The following UNC13C variants were observed in gnomAD, a reference collection of about 807,000 sequenced individuals.
UNC13C encodes protein unc-13 homolog C.
Under a neutral mutation model 245.4 loss-of-function variants are expected in UNC13C, and 174 were observed. The observed-to-expected ratio is 0.71, with a 90% confidence interval of 0.63 to 0.80. The LOEUF (loss-of-function observed/expected upper bound fraction) is 0.80. Ranked by LOEUF, UNC13C falls within the 30% of genes least tolerant of loss-of-function variation. The probability of loss-of-function intolerance (pLI) is 0.00; values close to 1 mark genes in which losing one functional copy is unlikely to be tolerated. For missense variants in UNC13C, 2,829 were observed against 2,602.9 expected, an observed-to-expected ratio of 1.09 and a Z score of -1.89; for synonymous variants, 992 against 895.1, an observed-to-expected ratio of 1.11 and a Z score of -1.93.
intron 19 of UNC13C, among the ~76,000 whole-genome samples, chr15:54,459,040 T>G (rs893381061): frequency 6.6e-6 from 1 of 152,174 alleles, no homozygotes; most frequent in African/African-American, 2.4e-5. Flanking sequence ...TTTTGAAGTT[T>G]TGTTTCAAGA....
At chr15:54,473,356 A>G (rs985087381) in intron 19 of UNC13C, among the ~76,000 whole-genome samples, 2 of 152,062 alleles carry the variant, frequency 1.3e-5, no homozygotes, top group East Asian at 1.9e-4. Flanking sequence ...TCTTTGTGTT[A>G]GGAACAGTTC....
At chr15:54,573,434 G>A (rs763048138) in intron 30 of UNC13C, among the ~76,000 whole-genome samples, 13 of 152,144 alleles carry the variant, frequency 8.5e-5, no homozygotes, top group African/African-American at 2.4e-4. Context: ...AATCCAAAAT[G>A]GATGTAGAAG....
intron 13 of UNC13C, among the ~76,000 whole-genome samples, chr15:54,315,492 T>C (rs1368260149): frequency 6.6e-6 from 1 of 151,698 alleles, no homozygotes. Context: ...TTATAGAATT[T>C]ACTTTTTTTC....
In UNC13C at chr15:54,525,690, T is replaced by G. The variant is rs972838483; in HGVS notation, c.5546+53T>G. 114 of 1,432,410 alleles carry G rather than the reference T, an allele frequency of 8.0e-5. No homozygotes were observed. The Middle Eastern group carries it at 1.4e-3, about 18-fold the overall frequency. 88.7% of individuals were successfully genotyped at this position (1,432,410 alleles called of 1,614,324 possible). On this transcript the variant is annotated intron_variant, in intron 25 of 32. Transcript: ENST00000260323. ...AATTAGATAATTAGGTGTCAGTTCA[T>G]GATATTCTTGCCTTCAATGCTGTTT...
chr15:54,192,404 T>C (rs1226122798), intron 4 of UNC13C, among the ~76,000 whole-genome samples: 2 of 152,094 alleles, frequency 1.3e-5, no homozygotes, highest in Non-Finnish European at 2.9e-5. Context: ...GGATAGATTC[T>C]CCATGCTTCA....
intron 2 of UNC13C, among the ~76,000 whole-genome samples, chr15:54,056,123 G>A (rs539245376): frequency 8.5e-5 from 13 of 152,292 alleles, no homozygotes; most frequent in African/African-American, 1.2e-4. Context: ...TGACTTTGAC[G>A]AGTTGAGAGA....
chr15:54,062,423 C>A (rs998664546), intron 2 of UNC13C, among the ~76,000 whole-genome samples: 2 of 151,998 alleles, frequency 1.3e-5, no homozygotes, highest in Non-Finnish European at 2.9e-5. Context: ...ACATTCTAAA[C>A]TGACATGATT....
intron 19 of UNC13C, among the ~76,000 whole-genome samples, chr15:54,479,655 A>G (rs192333616): frequency 3.4e-4 from 52 of 151,020 alleles, no homozygotes; most frequent in Non-Finnish European, 6.1e-4. Context: ...TTCTTTATTC[A>G]TCTTTTATTG....
chr15:54,000,695 T>G (rs930680050), intron 1 of UNC13C, among the ~76,000 whole-genome samples: 4 of 152,102 alleles, frequency 2.6e-5, no homozygotes, highest in African/African-American at 9.7e-5. Context: ...TATGGACAGA[T>G]AGAATGTAAT....
chr15:53,935,078 A>G, the UNC13C span, among the ~76,000 whole-genome samples: 1 of 152,144 alleles, frequency 6.6e-6, no homozygotes, highest in Admixed American at 6.5e-5. Context: ...AGGAAGTTTA[A>G]TTATATTGCT....
chr15:54,576,761 C>T (rs1451121116), intron 30 of UNC13C, among the ~76,000 whole-genome samples: 1 of 152,178 alleles, frequency 6.6e-6, no homozygotes, highest in African/African-American at 2.4e-5. Context: ...TGTGACAGTT[C>T]CCTAGCACAG....
At chr15:54,185,285 T>C (rs2141312281) in intron 4 of UNC13C, among the ~76,000 whole-genome samples, 1 of 152,278 alleles carries the variant, frequency 6.6e-6, no homozygotes, top group African/African-American at 2.4e-5. Flanking sequence ...TTAGATCCCA[T>C]CTGTCAACTT....
At chr15:54,304,719 C>T (rs2037682327) in intron 13 of UNC13C, among the ~76,000 whole-genome samples, 1 of 150,730 alleles carries the variant, frequency 6.6e-6, no homozygotes, top group African/African-American at 2.4e-5. Flanking sequence ...ATGAAAATTC[C>T]CTTGTCTAAT....
chr15:53,860,020 GTCTA>G, the UNC13C span, among the ~76,000 whole-genome samples: 2 of 152,104 alleles, frequency 1.3e-5, no homozygotes, highest in Non-Finnish European at 2.9e-5. Flanking sequence ...ATATGTTTTT[GTCTA>G]TCTGAATTCT....
At chr15:54,581,992 C>T (rs868426190) in intron 30 of UNC13C, among the ~76,000 whole-genome samples, 14 of 151,252 alleles carry the variant, frequency 9.3e-5, no homozygotes, top group African/African-American at 3.2e-4. Context: ...TAGTGTAAAC[C>T]ATTTATTTTG....
chr15:54,297,949 A>G (rs191760120), intron 12 of UNC13C, 23 bp downstream of exon 12: 33 of 1,334,984 alleles, frequency 2.5e-5, no homozygotes, highest in Admixed American at 4.4e-5. Flanking sequence ...AATTTTACTA[A>G]TACAAAATAT....
At chr15:54,409,518 G>A (rs540498712) in intron 18 of UNC13C, among the ~76,000 whole-genome samples, 24 of 152,024 alleles carry the variant, frequency 1.6e-4, no homozygotes, top group South Asian at 4.1e-4. Context: ...TTTTAGATCC[G>A]TACTCTCCTC....
intron 19 of UNC13C, among the ~76,000 whole-genome samples, chr15:54,455,199 C>CTA (rs1388460343): frequency 2.1e-4 from 8 of 38,758 alleles, no homozygotes; most frequent in East Asian, 1.1e-3. Context: ...CTCTCTCTCT[C>CTA]TCTCTCTATA....
At chr15:54,280,698 GTATACATACATATATACATATA>G (rs2036961827) in intron 10 of UNC13C, among the ~76,000 whole-genome samples, 3 of 54,594 alleles carry the variant, frequency 5.5e-5, no homozygotes, top group African/African-American at 3.3e-4. Flanking sequence ...ATAAACATAT[GTATACATACATATATACATATA>G]TAAACATATG....
Sources: gnomAD v4.1 joint callset for allele counts (sites outside exome capture counted in the v4.1 genomes callset) on GRCh38, gnomAD v4.1.1 for gene constraint, MANE v1.5 for transcripts, NCBI Gene and HGNC (gene_info 2026-07-23, HGNC 2026-07-21) for gene names.